The following ZFP62 variants were observed in gnomAD, a reference collection of about 807,000 sequenced individuals.
ZFP62 encodes the protein ZFP62 zinc finger protein.
In ZFP62, 44 loss-of-function variants were observed where a neutral mutation model predicts 56.4. The observed-to-expected ratio is 0.78, with a 90% CI of 0.61 to 1.00. ZFP62 has a LOEUF of 1.00. Ranked by LOEUF, ZFP62 falls within the 50% of genes least tolerant of loss-of-function variation. ZFP62 has a pLI of 0.00. For missense variants in ZFP62, 1,030 were observed against 1,085.7 expected (o/e 0.95, Z 0.72); for synonymous variants, 421 against 388.9 (o/e 1.08, Z -0.97).
chr5:180,846,109 C>T (rs535097147), downstream of ZFP62, among the ~76,000 whole-genome samples: 16 of 152,282 alleles, frequency 1.1e-4, no homozygotes, highest in South Asian at 1.0e-3. Context: ...CAGGCTCAGC[C>T]GCACCAGTTC....
the ZFP62 span, chr5:180,835,484 T>C: frequency 6.6e-6 from 1 of 152,200 alleles, no homozygotes; most frequent in Non-Finnish European, 1.5e-5. Flanking sequence ...GCAGATGGTA[T>C]ATTGTGACCC....
the ZFP62 span, among the ~76,000 whole-genome samples, chr5:180,841,296 TACACATATATATATACATAC>T: frequency 1.7e-4 from 21 of 126,382 alleles, no homozygotes; most frequent in Non-Finnish European, 2.7e-4. Context: ...TATATATACA[TACACATATATATATACATAC>T]ACACATATAT....
chr5:180,851,608 G>A lies in ZFP62; in HGVS notation c.2-115C>T, dbSNP rs1773717091. ...CAAACATTTACTGACAACATACTGT[G>A]TGACAGGTACCATGTGCCATGTACC... On this transcript the variant is annotated intron_variant, in intron 1 of 1. Transcript: ENST00000502412. The A allele has an allele frequency of 5.8e-6, 7 of 1,201,630 alleles. No homozygotes were observed. The South Asian group carries it at 1.1e-4, about 20-fold the overall frequency. 74.4% of individuals were successfully genotyped at this position (1,201,630 alleles called of 1,614,324 possible).
chr5:180,843,740 G>A (rs151003839), downstream of ZFP62, among the ~76,000 whole-genome samples: 227 of 152,346 alleles, frequency 1.5e-3, 1 homozygote, highest in African/African-American at 5.0e-3. Context: ...ATTAAGAGCA[G>A]AGAAGATATG....
At position 180,847,758 on chromosome 5, in the gene ZFP62, T is replaced by C; in HGVS notation, c.*1034A>G. The C allele has an allele frequency of 3.0e-6, 3 of 985,474 alleles. No individual in the cohort carries two copies. Among genetic ancestry groups the C allele is most frequent in the Non-Finnish European group, 3.6e-6 (3 of 829,944 alleles). 61.0% of individuals were successfully genotyped at this position (985,474 alleles called of 1,614,324 possible). A position where few individuals can be genotyped will look rare whatever the true frequency, so the allele number is the denominator to read the frequency against. ...ATATACATGTCCTGCATGACATCTT[T>C]ACAATAACACATTCCAAAAACAATC... On this transcript the variant is annotated 3_prime_UTR_variant, in exon 2 of 2. Transcript: ENST00000502412.
At chr5:180,858,273 A>G (rs557435876) in intron 1 of ZFP62, among the ~76,000 whole-genome samples, 3 of 125,884 alleles carry the variant, frequency 2.4e-5, no homozygotes, top group African/African-American at 2.8e-5. Flanking sequence ...AAAAAAAAAA[A>G]AAAAAGAAAA....
At position 180,851,091 on chromosome 5, in the gene ZFP62, T is replaced by A; in HGVS notation, c.404A>T (p.Asn135Ile). 6.4e-7 allele frequency: 1 copy of A among 1,551,746 alleles called. No homozygotes were observed. The highest frequency in any genetic ancestry group is 2.0e-5 in the Admixed American group (1 of 51,008). ...ACATTTATGTAATTTCTTAACAGCA[T>A]TGGTTTTCTGCTGTAGACTAGGGTA... ...TSYPSLQQKT[N>I]AVKKLHKCDE... is the part of the protein sequence containing the mutation. Residue 135 changes from asparagine to isoleucine, a missense_variant, in exon 2 of 2, where the codon AAT becomes ATT. Asn to Ile is a moderately radical substitution (Grantham distance 149). Coordinates refer to ENST00000502412, the MANE Select transcript of ZFP62 (RefSeq NM_001172638.2).
Position 180,857,950 on chromosome 5 carries a change from G to C in ZFP62, c.1+3269C>G, listed in dbSNP as rs1329330542. Among the ~76,000 whole-genome samples the C allele has an allele frequency of 2.0e-5, 3 of 151,870 alleles. 1 individual carries two copies. Among genetic ancestry groups the C allele is most frequent in the Non-Finnish European group, 4.4e-5 (3 of 67,966 alleles). ...GAATCCAAGTGATGGGTATATGGAAGTTCATAAGAAAAAAACTTTAGGCCG... is the reference window on the plus strand; with the variant it reads ...GAATCCAAGTGATGGGTATATGGAACTTCATAAGAAAAAAACTTTAGGCCG... On this transcript the variant is annotated intron_variant, in intron 1 of 1. Transcript: ENST00000502412.
downstream of ZFP62, among the ~76,000 whole-genome samples, chr5:180,846,038 A>G (rs1299867354): frequency 6.6e-6 from 1 of 151,572 alleles, no homozygotes; most frequent in East Asian, 1.9e-4. Flanking sequence ...TCCCACTTGC[A>G]TATCGTTCTC....
rs1282661793 is a variant in ZFP62, at chr5:180,848,421, AG to A, written c.*370del. The A allele has an allele frequency of 2.0e-6, 2 of 1,004,166 alleles. No homozygotes were observed. Among genetic ancestry groups the A allele is most frequent in the Non-Finnish European group, 1.2e-6 (1 of 842,344 alleles). The allele number at this position is 1,004,166 out of a possible 1,614,324, so 62.2% of individuals were successfully genotyped here. The stretch of plus-strand genomic sequence containing the variant: ...CTATACCTGAATTTCCTACATTTCT[AG>A]TAACAGAATTTACCAAACATGAACT... On this transcript the variant is annotated 3_prime_UTR_variant, in exon 2 of 2. Coordinates refer to ENST00000502412, the MANE Select transcript of ZFP62 (RefSeq NM_001172638.2).
At chr5:180,860,513 C>T (rs1774243899) in intron 1 of ZFP62, 1 of 151,964 alleles carries the variant, frequency 6.6e-6, no homozygotes, top group South Asian at 2.1e-4. Context: ...AACTCTTCGA[C>T]CTTCCTCTCC....
chr5:180,828,087 G>A, the ZFP62 span, among the ~76,000 whole-genome samples: 4 of 152,106 alleles, frequency 2.6e-5, no homozygotes, highest in African/African-American at 4.8e-5. Context: ...AGAGGCTGGC[G>A]GGATCCTCCA....
In ZFP62 at chr5:180,851,021, T is replaced by G; in HGVS notation, c.474A>C (p.Gln158His). 6.4e-7 allele frequency: 1 copy of G among 1,551,798 alleles called. No homozygotes were observed. The highest frequency in any genetic ancestry group is 2.4e-5 in the East Asian group (1 of 40,924). Reference protein sequence around the residue: ...KSFKYNSRLVQHKIMHTGEKR... With the variant: ...KSFKYNSRLVHHKIMHTGEKR... ...TTTCCCCAGTGTGCATAATTTTATGTTGAACAAGGCGGGAATTATATTTGA... is the reference window on the plus strand; with the variant it reads ...TTTCCCCAGTGTGCATAATTTTATGGTGAACAAGGCGGGAATTATATTTGA... The change falls in exon 2 of 2, where the codon CAA becomes CAC. Residue 158 changes from glutamine (Q) to histidine (H), a missense_variant. Gln to His is a conservative substitution (Grantham distance 24). Transcript: ENST00000502412.
Position 180,850,803 on chromosome 5 carries a change from C to G in ZFP62, c.692G>C (p.Gly231Ala). Residue 231 changes from glycine (G) to alanine (A), a missense_variant, in exon 2 of 2, where the codon GGA becomes GCA. Transcript: ENST00000502412. ...AACAGAGCTATAATTGAAGGATTTT[C>G]CACATTCATCACATTTACAGTTCTT... ...GEKNCKCDEC[G>A]KSFNYSSVLD... The G allele has an allele frequency of 6.3e-7, 1 of 1,577,750 alleles. No individual in the cohort carries two copies. The highest frequency in any genetic ancestry group is 8.6e-7 in the Non-Finnish European group (1 of 1,161,650).
chr5:180,851,414 C>A lies in ZFP62; in HGVS notation c.81G>T (p.Trp27Cys), dbSNP rs750956223. ...CAGGCATAGGATCCTCCACTTTTGG[C>A]CACTTAGATGCTGCATTTCCAACAT... is the stretch of plus-strand genomic sequence containing the variant. ...YENVGNAASK[W>C]PKVEDPMPES... The change falls in exon 2 of 2, where the codon TGG becomes TGT. Residue 27 changes from tryptophan (W) to cysteine (C), a missense_variant. By Grantham distance (215) the Trp-to-Cys change is radical. Transcript: ENST00000502412. The A allele has an allele frequency of 3.9e-6, 6 of 1,551,614 alleles. No homozygotes were observed. In the South Asian group the frequency reaches 5.9e-5, roughly 15 times the overall value.
chr5:180,853,678 T>C (rs1000258346), intron 1 of ZFP62, among the ~76,000 whole-genome samples: 7 of 152,194 alleles, frequency 4.6e-5, no homozygotes, highest in African/African-American at 1.7e-4. Context: ...TCCAGGCAAC[T>C]TAGAAACGTA....
In ZFP62 at chr5:180,848,094, T is replaced by G; in HGVS notation, c.*698A>C. On this transcript the variant is annotated 3_prime_UTR_variant, in exon 2 of 2. Coordinates refer to ENST00000502412, the MANE Select transcript of ZFP62 (RefSeq NM_001172638.2). ...GAGTTCATCTGAAACTTTAAAAAAG[T>G]TTCATCCATTCAACTAATGTATCAC... is the stretch of plus-strand genomic sequence containing the variant. 1 of 985,372 alleles carries G rather than the reference T, an allele frequency of 1.0e-6. No homozygotes were observed. Among genetic ancestry groups the G allele is most frequent in the Non-Finnish European group, 1.2e-6 (1 of 829,928 alleles). 61.0% of individuals were successfully genotyped at this position (985,372 alleles called of 1,614,324 possible). A position where few individuals can be genotyped will look rare whatever the true frequency, so the allele number is the denominator to read the frequency against.
the ZFP62 span, among the ~76,000 whole-genome samples, chr5:180,839,243 C>G: frequency 2.6e-4 from 40 of 152,310 alleles, no homozygotes; most frequent in African/African-American, 8.9e-4. Flanking sequence ...AGAGCAGTGG[C>G]TAAAAACAGT....
At chr5:180,857,422 T>A (rs1048092023) in intron 1 of ZFP62, among the ~76,000 whole-genome samples, 6 of 152,172 alleles carry the variant, frequency 3.9e-5, no homozygotes, top group Non-Finnish European at 5.9e-5. Context: ...CCCACCTCTG[T>A]TAGATAATAT....
Sources: allele counts gnomAD v4.1 joint callset (sites outside exome capture counted in the v4.1 genomes callset), GRCh38; gene constraint gnomAD v4.1.1; transcripts MANE v1.5; gene names NCBI Gene and HGNC (gene_info 2026-07-23, HGNC 2026-07-21).